ARID3B: variants seen among roughly 807,000 people sequenced by gnomAD.
ARID3B encodes AT-rich interaction domain 3B.
Under a neutral mutation model 51.9 loss-of-function variants are expected in ARID3B, and 10 were observed. That is an observed-to-expected ratio of 0.19 (90% CI 0.12 to 0.33). The LOEUF is 0.33. Ranked by LOEUF, ARID3B falls within the 10% of genes least tolerant of loss-of-function variation. The probability of loss-of-function intolerance (pLI) is 1.00; values close to 1 mark genes in which losing one functional copy is unlikely to be tolerated. For synonymous variants in ARID3B, 205 were observed against 279.5 expected, an observed-to-expected ratio of 0.73 and a Z score of 2.66; for missense variants, 483 against 716.3, an observed-to-expected ratio of 0.67 and a Z score of 3.72.
chr15:74,550,011 A>G (rs575277618), intron 2 of ARID3B, among the ~76,000 whole-genome samples: 15 of 152,378 alleles, frequency 9.8e-5, no homozygotes, highest in Admixed American at 8.5e-4. Context: ...AAGCTTCGCT[A>G]TCATCAGACA....
intron 2 of ARID3B, among the ~76,000 whole-genome samples, chr15:74,557,381 C>T (rs942197511): frequency 6.6e-6 from 1 of 151,870 alleles, no homozygotes; most frequent in South Asian, 2.1e-4. Context: ...GTGCCATGCA[C>T]TCCAGCCTGG....
chr15:74,593,921 G>T (rs2061813502), intron 8 of ARID3B, among the ~76,000 whole-genome samples: 2 of 151,604 alleles, frequency 1.3e-5, no homozygotes, highest in South Asian at 4.2e-4. Flanking sequence ...GCACACCTGT[G>T]GTCCCAGCTA....
chr15:74,563,090 T>C (rs1379717332), intron 2 of ARID3B, among the ~76,000 whole-genome samples: 2 of 152,252 alleles, frequency 1.3e-5, no homozygotes, highest in Non-Finnish European at 2.9e-5. Context: ...GTTCTTCAGG[T>C]ATCAACATTC....
chr15:74,565,665 G>A (rs1458765164), intron 2 of ARID3B, among the ~76,000 whole-genome samples: 1 of 151,682 alleles, frequency 6.6e-6, no homozygotes, highest in African/African-American at 2.4e-5. Context: ...TGTCTCTGGG[G>A]AAGTGCAGCT....
At chr15:74,549,398 A>G (rs2061627987) in intron 2 of ARID3B, among the ~76,000 whole-genome samples, 2 of 151,940 alleles carry the variant, frequency 1.3e-5, no homozygotes, top group Non-Finnish European at 2.9e-5. Context: ...TTTTCTTGGT[A>G]GATACTGCAT....
intron 2 of ARID3B, among the ~76,000 whole-genome samples, chr15:74,559,563 A>G (rs1173826995): frequency 6.6e-6 from 1 of 152,156 alleles, no homozygotes; most frequent in East Asian, 1.9e-4. Context: ...ATGAGGGAAA[A>G]GGTCAAGTGG....
intron 2 of ARID3B, among the ~76,000 whole-genome samples, chr15:74,572,445 T>G (rs1056233908): frequency 6.6e-6 from 1 of 152,232 alleles, no homozygotes; most frequent in Non-Finnish European, 1.5e-5. Flanking sequence ...CAGTGTTGTA[T>G]AGGAAACCAG....
At chr15:74,589,526 A>G (rs2061795446) in intron 4 of ARID3B, among the ~76,000 whole-genome samples, 1 of 152,180 alleles carries the variant, frequency 6.6e-6, no homozygotes, top group Non-Finnish European at 1.5e-5. Context: ...AAAAACACAC[A>G]CACACGAACT....
At chr15:74,595,212 A>T (rs576894980) in intron 8 of ARID3B, among the ~76,000 whole-genome samples, 235 of 152,134 alleles carry the variant, frequency 1.5e-3, no homozygotes, top group Non-Finnish European at 2.6e-3. Flanking sequence ...TTTAAAAAAA[A>T]TTTTTATAGA....
chr15:74,580,856 G>A (rs759107275), intron 4 of ARID3B, among the ~76,000 whole-genome samples: 3 of 152,228 alleles, frequency 2.0e-5, no homozygotes, highest in Non-Finnish European at 2.9e-5. Flanking sequence ...ACAGGCCACC[G>A]TTCAGTAGCG....
intron 8 of ARID3B, 23 bp downstream of exon 8, chr15:74,593,259 G>A (rs1167554509): frequency 1.2e-6 from 2 of 1,604,084 alleles, no homozygotes; most frequent in South Asian, 1.1e-5. Flanking sequence ...AGCTCTGGGG[G>A]AGGCCCACGT....
intron 4 of ARID3B, among the ~76,000 whole-genome samples, chr15:74,579,071 T>C (rs2061749296): frequency 6.6e-6 from 1 of 152,212 alleles, no homozygotes; most frequent in Non-Finnish European, 1.5e-5. Flanking sequence ...CTCTGAGGGA[T>C]GCAGCACACA....
intron 4 of ARID3B, chr15:74,574,205 A>C (rs923523650): frequency 6.6e-6 from 1 of 152,312 alleles, no homozygotes; most frequent in Admixed American, 6.5e-5. Context: ...CAATGGGTTC[A>C]CCAGCCAGGT....
At chr15:74,552,886 T>C (rs2061643294) in intron 2 of ARID3B, among the ~76,000 whole-genome samples, 1 of 152,262 alleles carries the variant, frequency 6.6e-6, no homozygotes, top group Admixed American at 6.5e-5. Context: ...AATAAAGCTA[T>C]CATACACATC....
intron 2 of ARID3B, among the ~76,000 whole-genome samples, chr15:74,549,750 T>C (rs1266972774): frequency 6.6e-6 from 1 of 152,112 alleles, no homozygotes; most frequent in African/African-American, 2.4e-5. Context: ...TCTAGTTGAG[T>C]GGTTCTCAAT....
intron 2 of ARID3B, among the ~76,000 whole-genome samples, chr15:74,546,806 C>A (rs1462977232): frequency 6.6e-6 from 1 of 152,192 alleles, no homozygotes; most frequent in African/African-American, 2.4e-5. Context: ...AAGAACTGAA[C>A]TGGGGGGCTT....
intron 8 of ARID3B, among the ~76,000 whole-genome samples, chr15:74,594,475 G>A (rs1186047783): frequency 6.6e-6 from 1 of 152,190 alleles, no homozygotes; most frequent in African/African-American, 2.4e-5. Context: ...TATTATGAGT[G>A]GGGGCCACCA....
At chr15:74,573,269 G>C in intron 4 of ARID3B, 65 bp downstream of exon 4, 1 of 1,520,956 alleles carries the variant, frequency 6.6e-7, no homozygotes, top group Middle Eastern at 1.7e-4. Flanking sequence ...CTGTGTGCTA[G>C]TCACTGTTAG....
At chr15:74,560,038 A>AAAAAAAAAAAAAAAAAAAAAAAAC in intron 2 of ARID3B, among the ~76,000 whole-genome samples, 1 of 144,096 alleles carries the variant, frequency 6.9e-6, no homozygotes, top group African/African-American at 2.5e-5. Context: ...TACTAAAAAA[A>AAAAAAAAAAAAAAAAAAAAAAAAC]AAACCACACA....
Sources: gnomAD v4.1 joint callset for allele counts (sites outside exome capture counted in the v4.1 genomes callset) on GRCh38, gnomAD v4.1.1 for gene constraint, MANE v1.5 for transcripts, NCBI Gene and HGNC (gene_info 2026-07-23, HGNC 2026-07-21) for gene names.